The following EPHB1 variants were observed in gnomAD, a reference collection of about 807,000 sequenced individuals.
EPHB1 encodes the protein ephrin type-B receptor 1.
A neutral mutation model predicts 94.4 loss-of-function variants in EPHB1; 30 were observed. That is an observed-to-expected ratio of 0.32 (90% confidence interval 0.24 to 0.43). EPHB1 has a LOEUF of 0.43. Among genes scored for constraint, EPHB1 ranks in the 20% least tolerant of loss-of-function variants. The pLI, the probability that EPHB1 is intolerant of heterozygous loss-of-function variation, is 1.00. For missense variants in EPHB1, 1,055 were observed against 1,308.3 expected (o/e 0.81, Z 2.99); for synonymous variants, 522 against 489.1 (o/e 1.07, Z -0.89).
intron 5 of EPHB1, among the ~76,000 whole-genome samples, chr3:135,147,649 C>T (rs1012485939): frequency 6.6e-6 from 1 of 152,186 alleles, no homozygotes; most frequent in African/African-American, 2.4e-5. Flanking sequence ...CTACCCTGTC[C>T]ACCCATGAGT....
At chr3:134,831,137 AG>A (rs2036575537) in intron 1 of EPHB1, among the ~76,000 whole-genome samples, 1 of 152,340 alleles carries the variant, frequency 6.6e-6, no homozygotes, top group South Asian at 2.1e-4. Flanking sequence ...ATGAATCATA[AG>A]GGGGCCATTC....
chr3:134,869,444 T>G (rs547513865), intron 1 of EPHB1, among the ~76,000 whole-genome samples: 1 of 152,204 alleles, frequency 6.6e-6, no homozygotes, highest in East Asian at 1.9e-4. Context: ...ATAGCAACAG[T>G]TTTTTTCATG....
intron 1 of EPHB1, among the ~76,000 whole-genome samples, chr3:134,821,264 G>A (rs1157013068): frequency 6.6e-6 from 1 of 152,188 alleles, no homozygotes; most frequent in Non-Finnish European, 1.5e-5. Context: ...TCATTGAAAT[G>A]TTAGTCTCAT....
intron 1 of EPHB1, among the ~76,000 whole-genome samples, chr3:134,819,218 C>T (rs894410515): frequency 2.6e-5 from 4 of 152,180 alleles, no homozygotes; most frequent in African/African-American, 9.7e-5. Flanking sequence ...TGTCTAATCA[C>T]TATCACTTCC....
At chr3:135,248,953 T>C (rs1943997333) in intron 14 of EPHB1, among the ~76,000 whole-genome samples, 1 of 151,964 alleles carries the variant, frequency 6.6e-6, no homozygotes, top group South Asian at 2.1e-4. Context: ...GGAAAAACAA[T>C]GTTACCAATA....
At chr3:134,933,200 CCA>C (rs2038936512) in intron 2 of EPHB1, among the ~76,000 whole-genome samples, 1 of 152,136 alleles carries the variant, frequency 6.6e-6, no homozygotes, top group South Asian at 2.1e-4. Context: ...CTCTCTACTC[CCA>C]CAGTGTAGGT....
chr3:134,901,195 T>C (rs1341628628), intron 1 of EPHB1, among the ~76,000 whole-genome samples: 1 of 152,214 alleles, frequency 6.6e-6, no homozygotes, highest in African/African-American at 2.4e-5. Context: ...ACACTAATTC[T>C]TTAGTGTTAT....
At chr3:135,017,401 A>G (rs1045514988) in intron 3 of EPHB1, among the ~76,000 whole-genome samples, 37 of 152,228 alleles carry the variant, frequency 2.4e-4, no homozygotes, top group African/African-American at 7.7e-4. Context: ...GATTGCAAAT[A>G]GTGTGCGTGT....
chr3:134,926,750 C>G (rs1378667410), intron 2 of EPHB1, among the ~76,000 whole-genome samples: 1 of 152,062 alleles, frequency 6.6e-6, no homozygotes, highest in Non-Finnish European at 1.5e-5. Context: ...TGGAGAGATC[C>G]TGAGCAGGAG....
At chr3:134,867,111 G>A (rs2037396322) in intron 1 of EPHB1, among the ~76,000 whole-genome samples, 2 of 152,144 alleles carry the variant, frequency 1.3e-5, no homozygotes, top group Non-Finnish European at 2.9e-5. Flanking sequence ...CAGCCTAATT[G>A]CCTCTGAGAA....
chr3:134,865,377 A>T (rs1053897202), intron 1 of EPHB1, among the ~76,000 whole-genome samples: 1 of 152,196 alleles, frequency 6.6e-6, no homozygotes, highest in Non-Finnish European at 1.5e-5. Flanking sequence ...GCTCTCATAC[A>T]TCACTAGTGG....
At chr3:134,859,565 C>T (rs2037202203) in intron 1 of EPHB1, among the ~76,000 whole-genome samples, 1 of 152,138 alleles carries the variant, frequency 6.6e-6, no homozygotes, top group Non-Finnish European at 1.5e-5. Flanking sequence ...CCCCGTTGAG[C>T]CTTCTGCTGG....
chr3:134,939,000 A>G lies in EPHB1; in HGVS notation c.124-12371A>G, dbSNP rs2039064104. 2.0e-5 allele frequency among the ~76,000 whole-genome samples: 3 copies of G among 152,212 alleles called. No individual in the cohort carries two copies. In the South Asian group the frequency reaches 6.2e-4, roughly 32 times the overall value. On this transcript the variant is annotated intron_variant, in intron 2 of 15. Coordinates refer to ENST00000398015, the MANE Select transcript of EPHB1 (RefSeq NM_004441.5). ...TTAAACCCCCACCCCTTTTTTGATC[A>G]TCACAAAAACCTCCTTCCTAGCAAT... is the stretch of plus-strand genomic sequence containing the variant.
At chr3:135,179,816 A>G (rs1942104436) in intron 9 of EPHB1, 44 bp from the exon 10 acceptor site, 2 of 1,611,096 alleles carry the variant, frequency 1.2e-6, no homozygotes, top group African/African-American at 1.3e-5. Flanking sequence ...AATGACAACC[A>G]TGTCCTCTTT....
chr3:134,949,371 C>T (rs992045548), intron 2 of EPHB1, among the ~76,000 whole-genome samples: 3 of 152,172 alleles, frequency 2.0e-5, no homozygotes, highest in Admixed American at 1.3e-4. Flanking sequence ...CGTCACTTTA[C>T]AGACCTGGGC....
chr3:134,799,326 G>C (rs1232125794), intron 1 of EPHB1, among the ~76,000 whole-genome samples: 1 of 152,308 alleles, frequency 6.6e-6, no homozygotes, highest in Middle Eastern at 3.4e-3. Context: ...ATCTGTTTTT[G>C]GTGTCCATGA....
chr3:134,969,374 T>G (rs1160209802), intron 3 of EPHB1, among the ~76,000 whole-genome samples: 2 of 152,174 alleles, frequency 1.3e-5, no homozygotes, highest in Admixed American at 6.5e-5. Context: ...TTTGTTGTCT[T>G]TCTTGAAAGA....
chr3:135,050,988 G>A (rs536695249), intron 3 of EPHB1, among the ~76,000 whole-genome samples: 161 of 152,014 alleles, frequency 1.1e-3, no homozygotes, highest in South Asian at 2.1e-3. Context: ...AGAGAAAGGA[G>A]AATAGCTCCT....
intron 2 of EPHB1, among the ~76,000 whole-genome samples, chr3:134,941,582 T>C (rs1440622872): frequency 6.6e-6 from 1 of 152,242 alleles, no homozygotes; most frequent in Non-Finnish European, 1.5e-5. Flanking sequence ...TGCCTGTTTC[T>C]GAAATTCAAA....
Sources: allele counts gnomAD v4.1 joint callset (sites outside exome capture counted in the v4.1 genomes callset), GRCh38; gene constraint gnomAD v4.1.1; transcripts MANE v1.5; gene names NCBI Gene and HGNC (gene_info 2026-07-23, HGNC 2026-07-21).